The following CAMK2D variants were observed in gnomAD, a reference collection of about 807,000 sequenced individuals.
CAMK2D encodes calcium/calmodulin-dependent protein kinase type II subunit delta.
In CAMK2D, 37 loss-of-function variants were observed where a neutral mutation model predicts 84.0. That is an observed-to-expected ratio of 0.44 (90% CI 0.34 to 0.58). The LOEUF (loss-of-function observed/expected upper bound fraction) is 0.58. Among genes scored for constraint, CAMK2D ranks in the 20% least tolerant of loss-of-function variants. CAMK2D has a pLI of 0.02. For synonymous variants in CAMK2D, 202 were observed against 212.5 expected, an observed-to-expected ratio of 0.95 and a Z score of 0.43; for missense variants, 448 against 652.5, an observed-to-expected ratio of 0.69 and a Z score of 3.41.
At chr4:113,504,372 T>C (rs1339811010) in intron 14 of CAMK2D, among the ~76,000 whole-genome samples, 1 of 152,224 alleles carries the variant, frequency 6.6e-6, no homozygotes, top group Non-Finnish European at 1.5e-5. Context: ...CTCTATTCTT[T>C]GCAGTTTCAT....
At chr4:113,523,301 G>A (rs114075020) in intron 8 of CAMK2D, among the ~76,000 whole-genome samples, 1 of 152,244 alleles carries the variant, frequency 6.6e-6, no homozygotes, top group East Asian at 1.9e-4. Context: ...GAAATTAGCT[G>A]TGGTAGTATT....
rs558744838 is a variant in CAMK2D, at chr4:113,585,268, A to G, written c.275+23884T>C. ...AGAGTAATTGATTAATTAATTAACAAAAAAGACAATATTTCATATAATCAA... is the reference window on the plus strand; with the variant it reads ...AGAGTAATTGATTAATTAATTAACAGAAAAGACAATATTTCATATAATCAA... On this transcript the variant is annotated intron_variant, in intron 4 of 20. Coordinates refer to ENST00000511664, the MANE Select transcript of CAMK2D (RefSeq NM_001321571.2). 6.5e-4 allele frequency among the ~76,000 whole-genome samples: 99 copies of G among 152,220 alleles called. 1 individual carries two copies. The highest frequency in any genetic ancestry group is 1.1e-3 in the Non-Finnish European group (76 of 68,038).
At chr4:113,540,024 G>A (rs1404866738) in intron 6 of CAMK2D, among the ~76,000 whole-genome samples, 2 of 152,054 alleles carry the variant, frequency 1.3e-5, no homozygotes, top group African/African-American at 4.8e-5. Flanking sequence ...ACACAAGTTT[G>A]ATTTCTATAT....
intron 2 of CAMK2D, among the ~76,000 whole-genome samples, chr4:113,720,672 C>A (rs879371390): frequency 1.3e-5 from 2 of 150,756 alleles, no homozygotes; most frequent in Non-Finnish European, 3.0e-5. Flanking sequence ...GATGCAAAAG[C>A]AAAAAATAAT....
intron 16 of CAMK2D, among the ~76,000 whole-genome samples, chr4:113,486,300 T>C (rs1319804236): frequency 6.6e-6 from 1 of 152,002 alleles, no homozygotes; most frequent in African/African-American, 2.4e-5. Flanking sequence ...TATAAATTCT[T>C]TTTTTGTAGA....
At chr4:113,685,215 AC>A (rs143175070) in intron 2 of CAMK2D, among the ~76,000 whole-genome samples, 4,453 of 151,442 alleles carry the variant, frequency 0.029, 211 homozygotes, top group African/African-American at 0.1. Flanking sequence ...TTGAACAGAT[AC>A]AAATGACTTA....
chr4:113,622,570 GC>G (rs1291081146), intron 3 of CAMK2D, among the ~76,000 whole-genome samples: 1 of 152,170 alleles, frequency 6.6e-6, no homozygotes, highest in Non-Finnish European at 1.5e-5. Context: ...TTCGAGACCA[GC>G]CCGGGCCACA....
At chr4:113,496,207 A>G (rs967805386) in intron 16 of CAMK2D, among the ~76,000 whole-genome samples, 1 of 152,170 alleles carries the variant, frequency 6.6e-6, no homozygotes, top group African/African-American at 2.4e-5. Flanking sequence ...GTTAACTGCT[A>G]ATTAAGAGCT....
intron 2 of CAMK2D, among the ~76,000 whole-genome samples, chr4:113,742,063 T>C (rs759762141): frequency 3.3e-5 from 5 of 152,204 alleles, no homozygotes; most frequent in Non-Finnish European, 1.5e-5. Flanking sequence ...CCAAATGCCT[T>C]TTCCCATGTC....
chr4:113,667,954 T>C (rs1357243929), intron 2 of CAMK2D, among the ~76,000 whole-genome samples: 1 of 151,956 alleles, frequency 6.6e-6, no homozygotes, highest in African/African-American at 2.4e-5. Flanking sequence ...CATCTTAATT[T>C]TGAATGAAAG....
chr4:113,468,304 AGAAAC>A (rs1169370763), intron 16 of CAMK2D, among the ~76,000 whole-genome samples: 2 of 152,216 alleles, frequency 1.3e-5, no homozygotes, highest in Admixed American at 1.3e-4. Context: ...TCTTATGCTT[AGAAAC>A]GATGGTGCTT....
chr4:113,479,711 G>A (rs1187770926), intron 16 of CAMK2D, among the ~76,000 whole-genome samples: 1 of 152,090 alleles, frequency 6.6e-6, no homozygotes, highest in Non-Finnish European at 1.5e-5. Context: ...GGCTGGATGT[G>A]GGTCTTAACA....
chr4:113,691,247 C>T (rs895725687), intron 2 of CAMK2D, among the ~76,000 whole-genome samples: 2 of 152,144 alleles, frequency 1.3e-5, no homozygotes, highest in African/African-American at 4.8e-5. Flanking sequence ...ACCTAGTTTG[C>T]ATGGAGTGTT....
At chr4:113,622,063 GA>G (rs1259276561) in intron 3 of CAMK2D, among the ~76,000 whole-genome samples, 1 of 151,904 alleles carries the variant, frequency 6.6e-6, no homozygotes, top group African/African-American at 2.4e-5. Flanking sequence ...TTGCTATTGA[GA>G]AAGTTTAACA....
chr4:113,677,969 T>C (rs1252186720), intron 2 of CAMK2D, among the ~76,000 whole-genome samples: 1 of 152,126 alleles, frequency 6.6e-6, no homozygotes, highest in African/African-American at 2.4e-5. Context: ...AGCTATGTGA[T>C]AAAATAAATG....
At chr4:113,462,292 GTGTCTGTCTGTCTGTCTGTCTGTC>G (rs764313367) in intron 17 of CAMK2D, among the ~76,000 whole-genome samples, 1 of 111,284 alleles carries the variant, frequency 9.0e-6, no homozygotes, top group South Asian at 3.3e-4. Flanking sequence ...GTGTGTGTGT[GTGTCTGTCTGTCTGTCTGTCTGTC>G]TGTCTGTCTG....
chr4:113,469,007 G>C (rs966449160), intron 16 of CAMK2D, among the ~76,000 whole-genome samples: 1 of 152,200 alleles, frequency 6.6e-6, no homozygotes, highest in African/African-American at 2.4e-5. Context: ...CCAAGTGGGA[G>C]AGATGTTCCA....
At chr4:113,547,140 G>A (rs2098583544) in intron 6 of CAMK2D, among the ~76,000 whole-genome samples, 1 of 152,120 alleles carries the variant, frequency 6.6e-6, no homozygotes, top group South Asian at 2.1e-4. Context: ...AGAATTCCTA[G>A]GACTAATGTT....
Position 113,743,353 on chromosome 4 carries a change from T to C in CAMK2D, c.160+15967A>G, listed in dbSNP as rs541469846. 1.1e-4 allele frequency among the ~76,000 whole-genome samples: 16 copies of C among 152,354 alleles called. No individual in the cohort carries two copies. The South Asian group carries it at 2.9e-3, about 28-fold the overall frequency. ...ATGCCAGATTCTCTGCAGTCTCACT[T>C]TGCTGAGCCACAGGTTCTGGGAGCC... On this transcript the variant is annotated intron_variant, in intron 2 of 20. Transcript: ENST00000511664.
Sources: allele counts gnomAD v4.1 joint callset (sites outside exome capture counted in the v4.1 genomes callset), GRCh38; gene constraint gnomAD v4.1.1; transcripts MANE v1.5; gene names NCBI Gene and HGNC (gene_info 2026-07-23, HGNC 2026-07-21).